TMEM108: variants seen among roughly 807,000 people sequenced by gnomAD.
TMEM108 encodes transmembrane protein 108, also known as cancer/testis antigen 124.
A neutral mutation model predicts 35.1 loss-of-function variants in TMEM108; 12 were observed. The ratio of observed to expected loss-of-function variants is 0.34; its 90% CI spans 0.22 to 0.55. The LOEUF (loss-of-function observed/expected upper bound fraction) is 0.55, where lower values mean the gene tolerates loss of function less well. TMEM108 is among the 20% of genes least tolerant of loss of function. The probability of loss-of-function intolerance (pLI) is 0.89; values close to 1 mark genes in which losing one functional copy is unlikely to be tolerated. For missense variants in TMEM108, 680 were observed against 753.3 expected, an observed-to-expected ratio of 0.90 and a Z score of 1.14; for synonymous variants, 287 against 308.6, an observed-to-expected ratio of 0.93 and a Z score of 0.73.
At chr3:133,255,352 A>G (rs1007116512) in intron 3 of TMEM108, among the ~76,000 whole-genome samples, 2 of 152,238 alleles carry the variant, frequency 1.3e-5, no homozygotes, top group African/African-American at 4.8e-5. Context: ...AGACCCAGCT[A>G]CAACTTACAA....
At chr3:133,268,769 G>A (rs371092674) in intron 3 of TMEM108, among the ~76,000 whole-genome samples, 3 of 152,288 alleles carry the variant, frequency 2.0e-5, no homozygotes. Context: ...CTCAGAGTCT[G>A]AAGAACAAGA....
chr3:133,369,417 GC>G (rs1316832024), intron 3 of TMEM108, among the ~76,000 whole-genome samples: 3 of 152,218 alleles, frequency 2.0e-5, no homozygotes, highest in African/African-American at 7.2e-5. Context: ...GGGTAATCTA[GC>G]CCCGTGGTAC....
chr3:133,377,892 C>CTATTGTGAA (rs2072888184), intron 3 of TMEM108, among the ~76,000 whole-genome samples: 1 of 152,208 alleles, frequency 6.6e-6, no homozygotes, highest in Admixed American at 6.5e-5. Flanking sequence ...AGCACAAACC[C>CTATTGTGAA]TATTGTGAAC....
chr3:133,249,888 T>C lies in TMEM108; in HGVS notation c.40+20537T>C, dbSNP rs556834398. On this transcript the variant is annotated intron_variant, in intron 3 of 5. Transcript: ENST00000321871. Reference sequence around the variant, plus strand: ...GTAATTTAAGTGACTATCATGCATATAATAGAAACATTTTTAATAAGAAAA... The same window carrying C: ...GTAATTTAAGTGACTATCATGCATACAATAGAAACATTTTTAATAAGAAAA... Among the ~76,000 whole-genome samples, 8 of 152,296 alleles carry C rather than the reference T, an allele frequency of 5.3e-5. No individual in the cohort carries two copies. The East Asian group carries it at 1.5e-3, about 29-fold the overall frequency.
chr3:133,279,029 A>G (rs986951742), intron 3 of TMEM108, among the ~76,000 whole-genome samples: 2 of 152,176 alleles, frequency 1.3e-5, no homozygotes, highest in Non-Finnish European at 2.9e-5. Flanking sequence ...AAAGAGGCCT[A>G]AGGGGGCTTA....
rs79118437 is a variant in TMEM108 at position 133,380,804 on chromosome 3, G to C, written c.1093G>C (p.Asp365His). The change falls in exon 4 of 6, where the codon GAT becomes CAT. Residue 365 changes from aspartate (D) to histidine (H), a missense_variant. This residue lies in a region of TMEM108 where 526 missense variants were observed against 532.1 expected (regional missense o/e 0.99). Transcript: ENST00000321871. This position sits in a 1 kb window ranked among gnomAD's most constrained non-coding sequence, Gnocchi z 5.3. Reference protein sequence around the residue: ...AATGPTPAAFDTSVSAPSQGI... With the variant: ...AATGPTPAAFHTSVSAPSQGI... The stretch of plus-strand genomic sequence containing the variant: ...CACGGGGCCCACCCCAGCTGCCTTC[G>C]ATACCAGTGTCTCAGCCCCTTCCCA... 6.2e-7 allele frequency: 1 copy of C among 1,614,128 alleles called. No individual in the cohort carries two copies. Among genetic ancestry groups the C allele is most frequent in the East Asian group, 2.2e-5 (1 of 44,888 alleles).
chr3:133,196,143 C>T (rs1321990614), intron 2 of TMEM108, among the ~76,000 whole-genome samples: 1 of 152,184 alleles, frequency 6.6e-6, no homozygotes, highest in African/African-American at 2.4e-5. Context: ...CTTCTTATGT[C>T]TATGGCCTCC....
intron 1 of TMEM108, among the ~76,000 whole-genome samples, chr3:133,040,051 A>T (rs1300694892): frequency 6.6e-6 from 1 of 152,208 alleles, no homozygotes; most frequent in African/African-American, 2.4e-5. Flanking sequence ...GAGATGAATG[A>T]AAGTAAAAGA....
At chr3:133,052,327 T>C (rs2107675771) in intron 2 of TMEM108, among the ~76,000 whole-genome samples, 1 of 152,244 alleles carries the variant, frequency 6.6e-6, no homozygotes, top group East Asian at 1.9e-4. Context: ...TTGTATATTA[T>C]TCTAGTATCC....
chr3:133,117,318 C>G (rs890827601), intron 2 of TMEM108, among the ~76,000 whole-genome samples: 1 of 152,094 alleles, frequency 6.6e-6, no homozygotes, highest in Non-Finnish European at 1.5e-5. Flanking sequence ...GATGACTGCT[C>G]AAAAGCAAGT....
intron 2 of TMEM108, among the ~76,000 whole-genome samples, chr3:133,073,110 T>C (rs1943695322): frequency 6.6e-6 from 1 of 152,168 alleles, no homozygotes; most frequent in African/African-American, 2.4e-5. Context: ...ATGAATTATC[T>C]CACATATTTA....
At chr3:133,302,082 T>C (rs1247477351) in intron 3 of TMEM108, among the ~76,000 whole-genome samples, 2 of 152,192 alleles carry the variant, frequency 1.3e-5, no homozygotes, top group Non-Finnish European at 2.9e-5. Context: ...GTCTATAAAT[T>C]CACAAATCTG....
At chr3:133,302,850 C>T (rs1020354711) in intron 3 of TMEM108, among the ~76,000 whole-genome samples, 1 of 152,184 alleles carries the variant, frequency 6.6e-6, no homozygotes, top group Non-Finnish European at 1.5e-5. Flanking sequence ...CCACCCCACA[C>T]GTGCACCATG....
In TMEM108 at chr3:133,306,415, G is replaced by A. The variant is rs1173020970; in HGVS notation, c.41-73337G>A. 4.6e-5 allele frequency among the ~76,000 whole-genome samples: 7 copies of A among 152,110 alleles called. No individual in the cohort carries two copies. In the South Asian group the frequency reaches 1.0e-3, roughly 23 times the overall value. ...AAGTTCTAGGGTACATGTGCACAAC[G>A]TGCAGGTATGTTCCATAGGTATACA... is the stretch of plus-strand genomic sequence containing the variant. On this transcript the variant is annotated intron_variant, in intron 3 of 5. Coordinates refer to ENST00000321871, the MANE Select transcript of TMEM108 (RefSeq NM_023943.4).
intron 3 of TMEM108, among the ~76,000 whole-genome samples, chr3:133,296,206 A>G (rs1947143414): frequency 6.6e-6 from 1 of 152,192 alleles, no homozygotes; most frequent in African/African-American, 2.4e-5. Context: ...ATTTTCCTAT[A>G]TATCAAAGGC....
At chr3:133,107,001 T>A (rs1322176902) in intron 2 of TMEM108, among the ~76,000 whole-genome samples, 1 of 152,134 alleles carries the variant, frequency 6.6e-6, no homozygotes, top group Non-Finnish European at 1.5e-5. Flanking sequence ...TTTAAAAGAG[T>A]AATTTTATTT....
chr3:133,395,768 T>G (rs2073296728), intron 5 of TMEM108, 96 bp from the exon 6 acceptor site: 1 of 1,302,274 alleles, frequency 7.7e-7, no homozygotes, highest in Non-Finnish European at 1.0e-6. Context: ...AAGCCATCAG[T>G]GCTGAAATAA....
intron 2 of TMEM108, among the ~76,000 whole-genome samples, chr3:133,169,636 G>T (rs1945098807): frequency 6.6e-6 from 1 of 152,098 alleles, no homozygotes; most frequent in Non-Finnish European, 1.5e-5. Context: ...CATTTCCCAT[G>T]TAACTCCAGA....
chr3:133,342,884 T>C (rs1056858279), intron 3 of TMEM108, among the ~76,000 whole-genome samples: 1 of 151,562 alleles, frequency 6.6e-6, no homozygotes, highest in South Asian at 2.1e-4. Context: ...TAATTTATTG[T>C]ATATTTTCAA....
Sources: gnomAD v4.1 joint callset for allele counts (sites outside exome capture counted in the v4.1 genomes callset) on GRCh38, gnomAD v4.1.1 for gene constraint, gnomAD v4.1.1 regional missense constraint, Gnocchi (gnomAD v3.1) non-coding constraint, MANE v1.5 for transcripts, NCBI Gene and HGNC (gene_info 2026-07-23, HGNC 2026-07-21) for gene names.